Variants in VTI1A observed in about 807,000 individuals in gnomAD.
VTI1A encodes the protein vesicle transport through interaction with t-SNAREs 1A.
In VTI1A, 22 loss-of-function variants were observed where a neutral mutation model predicts 34.9. The observed-to-expected ratio is 0.63, with a 90% CI of 0.45 to 0.90. The LOEUF is 0.90. Ranked by LOEUF, VTI1A falls within the 40% of genes least tolerant of loss-of-function variation. The probability of loss-of-function intolerance (pLI) is 0.00; values close to 1 mark genes in which losing one functional copy is unlikely to be tolerated. For missense variants in VTI1A, 268 were observed against 275.6 expected (o/e 0.97, Z 0.20); for synonymous variants, 87 against 97.3 (o/e 0.89, Z 0.62).
intron 3 of VTI1A, among the ~76,000 whole-genome samples, chr10:112,472,606 T>C (rs1848131507): frequency 6.6e-6 from 1 of 152,156 alleles, no homozygotes; most frequent in African/African-American, 2.4e-5. Context: ...ATTTTGATTT[T>C]TGTTGAAAGG....
At chr10:112,737,062 CTTTTTTTTTCTTTTTCTT>C in intron 7 of VTI1A, 1 of 388,242 alleles carries the variant, frequency 2.6e-6, no homozygotes. Context: ...AATTTTTTTT[CTTTTTTTTTCTTTTTCTT>C]TTTTTTTTTG....
chr10:112,752,400 A>C, intron 7 of VTI1A: 4 of 985,356 alleles, frequency 4.1e-6, no homozygotes, highest in Non-Finnish European at 4.8e-6. Context: ...AGCAGAGCTG[A>C]TATCTCTTTA....
intron 7 of VTI1A, among the ~76,000 whole-genome samples, chr10:112,723,126 A>G (rs1472629880): frequency 1.3e-5 from 2 of 152,168 alleles, no homozygotes; most frequent in African/African-American, 4.8e-5. Flanking sequence ...TAAAGTTAAT[A>G]AAGACCCAAA....
rs773445084 is a variant in VTI1A, at chr10:112,817,287, A to C, written c.*1904A>C. The C allele has an allele frequency of 4.3e-6, 1 of 232,342 alleles. No individual in the cohort carries two copies. The highest frequency in any genetic ancestry group is 8.5e-6 in the Non-Finnish European group (1 of 117,552). 14.4% of individuals were successfully genotyped at this position (232,342 alleles called of 1,614,324 possible). A position where few individuals can be genotyped will look rare whatever the true frequency, so the allele number is the denominator to read the frequency against. On this transcript the variant is annotated 3_prime_UTR_variant, in exon 8 of 8. Coordinates refer to ENST00000393077, the MANE Select transcript of VTI1A (RefSeq NM_145206.4). ...CACTTCGCACGGCCATCCCGTCCAC[A>C]ATGCAGCAGACTCTTCCCAAGGCCA...
chr10:112,787,217 TC>T (rs1254027845), intron 7 of VTI1A, among the ~76,000 whole-genome samples: 5 of 152,224 alleles, frequency 3.3e-5, no homozygotes, highest in African/African-American at 1.2e-4. Flanking sequence ...TCCCTTGTAA[TC>T]CTTTAATTTT....
At chr10:112,728,231 TA>T (rs1415144687) in intron 7 of VTI1A, among the ~76,000 whole-genome samples, 3 of 151,882 alleles carry the variant, frequency 2.0e-5, no homozygotes, top group African/African-American at 7.3e-5. Context: ...CATTATCTGC[TA>T]AAAGTAAAAG....
In VTI1A at chr10:112,816,313, A is replaced by T. The variant is rs1853521142; in HGVS notation, c.*930A>T. On this transcript the variant is annotated 3_prime_UTR_variant, in exon 8 of 8. Transcript: ENST00000393077. ...ATATTTCAGTAAGAGCAAGAACATG[A>T]CTCCATCAGTGTGAAATTTCAAATG... The T allele has an allele frequency of 4.6e-6, 1 of 217,782 alleles. No homozygotes were observed. Among genetic ancestry groups the T allele is most frequent in the African/African-American group, 2.2e-5 (1 of 44,530 alleles). The allele number at this position is 217,782 out of a possible 1,614,324, so 13.5% of individuals were successfully genotyped here.
intron 5 of VTI1A, among the ~76,000 whole-genome samples, chr10:112,559,621 C>T (rs10506868): frequency 0.037 from 5,561 of 152,236 alleles, 365 homozygotes; most frequent in East Asian, 0.27. Context: ...CCCGCACAGC[C>T]ACGTTTCCAC....
At chr10:112,851,473 C>A in the VTI1A span, among the ~76,000 whole-genome samples, 1 of 152,152 alleles carries the variant, frequency 6.6e-6, no homozygotes, top group Non-Finnish European at 1.5e-5. Flanking sequence ...ACACGCTGAA[C>A]CCCTGTGGAA....
intron 5 of VTI1A, among the ~76,000 whole-genome samples, chr10:112,610,763 A>G (rs979454288): frequency 6.6e-6 from 1 of 151,984 alleles, no homozygotes; most frequent in Non-Finnish European, 1.5e-5. Flanking sequence ...AAAAATACAC[A>G]AAAAAACTAG....
intron 7 of VTI1A, among the ~76,000 whole-genome samples, chr10:112,738,995 C>T (rs1850595801): frequency 6.6e-6 from 1 of 152,178 alleles, no homozygotes; most frequent in Non-Finnish European, 1.5e-5. Flanking sequence ...ATGCATGCAG[C>T]CCCTCAGGGT....
chr10:112,756,264 A>C (rs1851280295), intron 7 of VTI1A, among the ~76,000 whole-genome samples: 1 of 152,184 alleles, frequency 6.6e-6, no homozygotes, highest in South Asian at 2.1e-4. Context: ...TATGCTTATC[A>C]ATCTTTTTCC....
chr10:112,492,457 A>C (rs142269379), intron 3 of VTI1A, among the ~76,000 whole-genome samples: 1 of 152,194 alleles, frequency 6.6e-6, no homozygotes, highest in African/African-American at 2.4e-5. Context: ...TATTTGTTAG[A>C]TAAAAGCTAT....
intron 5 of VTI1A, among the ~76,000 whole-genome samples, chr10:112,610,169 T>C (rs935144484): frequency 1.0e-5 from 1 of 97,126 alleles, no homozygotes; most frequent in Non-Finnish European, 2.0e-5. Flanking sequence ...TATATACTTT[T>C]CCAGTCTTTT....
At chr10:112,852,666 A>T in the VTI1A span, among the ~76,000 whole-genome samples, 1 of 152,226 alleles carries the variant, frequency 6.6e-6, no homozygotes, top group East Asian at 1.9e-4. Flanking sequence ...TTCGCAGTGC[A>T]GTGTCCCCTC....
intron 5 of VTI1A, among the ~76,000 whole-genome samples, chr10:112,640,684 G>C (rs773128363): frequency 3.9e-5 from 6 of 152,110 alleles, no homozygotes; most frequent in Non-Finnish European, 8.8e-5. Context: ...CATATAAAAG[G>C]GTTCCAATGT....
intron 3 of VTI1A, among the ~76,000 whole-genome samples, chr10:112,473,895 G>A (rs1848189308): frequency 6.6e-6 from 1 of 152,124 alleles, no homozygotes; most frequent in Non-Finnish European, 1.5e-5. Context: ...ATACAACTGA[G>A]ATTCCTTTTT....
At chr10:112,820,998 C>T (rs901315347), downstream of VTI1A, among the ~76,000 whole-genome samples, 1 of 152,112 alleles carries the variant, frequency 6.6e-6, no homozygotes, top group African/African-American at 2.4e-5. Context: ...GGGCCCCCTG[C>T]CCCAGTCAAA....
At chr10:112,670,716 G>A (rs980443804) in intron 7 of VTI1A, among the ~76,000 whole-genome samples, 4 of 152,126 alleles carry the variant, frequency 2.6e-5, no homozygotes, top group East Asian at 1.9e-4. Context: ...AGAAGCCTAC[G>A]GAAGAAAATT....
Sources: gnomAD v4.1 joint callset for allele counts (sites outside exome capture counted in the v4.1 genomes callset) on GRCh38, gnomAD v4.1.1 for gene constraint, MANE v1.5 for transcripts, NCBI Gene and HGNC (gene_info 2026-07-23, HGNC 2026-07-21) for gene names.